Variants in TRDN observed in about 807,000 individuals in gnomAD.
TRDN encodes the protein triadin in skeletal muscle.
TRDN carries 161 observed loss-of-function variants against 149.7 expected under a neutral mutation model. The observed-to-expected ratio is 1.08, with a 90% confidence interval of 0.95 to 1.23. The LOEUF is 1.23. TRDN is among the 50% of genes most tolerant of loss of function. TRDN has a pLI of 0.00. For missense variants in TRDN, 896 were observed against 823.5 expected, an observed-to-expected ratio of 1.09 and a Z score of -1.08; for synonymous variants, 294 against 250.5, an observed-to-expected ratio of 1.17 and a Z score of -1.64.
At chr6:123,506,007 G>A (rs1778906124) in intron 7 of TRDN, among the ~76,000 whole-genome samples, 1 of 152,112 alleles carries the variant, frequency 6.6e-6, no homozygotes, top group South Asian at 2.1e-4. Flanking sequence ...GCTCTTTCCT[G>A]CAGTAAACTC....
intron 3 of TRDN, 107 bp downstream of exon 3, chr6:123,548,347 G>A: frequency 1.1e-6 from 1 of 882,136 alleles, no homozygotes; most frequent in East Asian, 3.3e-5. Flanking sequence ...ATTCATTTTG[G>A]TTTAGCTTGA....
At chr6:123,579,248 G>T (rs1273176967) in intron 1 of TRDN, among the ~76,000 whole-genome samples, 1 of 152,088 alleles carries the variant, frequency 6.6e-6, no homozygotes, top group Non-Finnish European at 1.5e-5. Context: ...TCCAGATTTT[G>T]CCCCATCAGT....
At chr6:123,528,271 A>AT (rs11286718) in intron 5 of TRDN, among the ~76,000 whole-genome samples, 87 of 149,316 alleles carry the variant, frequency 5.8e-4, no homozygotes, top group Admixed American at 1.1e-3. Context: ...ATTCTGTGTG[A>AT]TTTTTTTTTT....
At chr6:123,276,898 G>A (rs1777387031) in intron 26 of TRDN, among the ~76,000 whole-genome samples, 1 of 152,170 alleles carries the variant, frequency 6.6e-6, no homozygotes, top group Non-Finnish European at 1.5e-5. Flanking sequence ...CTCCTGTGGT[G>A]GAGAAGGCAG....
intron 7 of TRDN, among the ~76,000 whole-genome samples, chr6:123,507,174 T>C (rs1457517412): frequency 6.6e-6 from 1 of 152,122 alleles, no homozygotes; most frequent in Non-Finnish European, 1.5e-5. Context: ...AACTTTTTTT[T>C]TTGTTTATAC....
chr6:123,567,615 G>A (rs1575217), intron 2 of TRDN, among the ~76,000 whole-genome samples: 60,507 of 151,500 alleles, frequency 0.4, 13,002 homozygotes, highest in East Asian at 0.85. Flanking sequence ...GATGGCTAGA[G>A]GAGGAGCAAG....
chr6:123,614,772 G>A (rs964172712), intron 1 of TRDN, among the ~76,000 whole-genome samples: 2 of 151,526 alleles, frequency 1.3e-5, no homozygotes, highest in African/African-American at 4.8e-5. Context: ...CAAAAGCACA[G>A]GAAACAAAAG....
Position 123,364,196 on chromosome 6 carries a change from G to A in TRDN, c.1321+1939C>T, listed in dbSNP as rs576358506. Among the ~76,000 whole-genome samples the A allele has an allele frequency of 2.4e-4, 37 of 152,244 alleles. 1 individual carries two copies. In the South Asian group the frequency reaches 7.7e-3, roughly 32 times the overall value. On this transcript the variant is annotated intron_variant, in intron 20 of 40. Coordinates refer to ENST00000334268, the MANE Select transcript of TRDN (RefSeq NM_006073.4). ...AGTTAAACTGTGTTAAATATAATTT[G>A]GCCAAGGTTTTCTTCTAACAATATC...
chr6:123,366,135 C>T lies in TRDN; in HGVS notation c.1321G>A (p.Ala441Thr). Residue 441 changes from alanine to threonine, a missense_variant and splice_region_variant, in exon 20 of 41, where the codon GCT becomes ACT. By Grantham distance (58) the Ala-to-Thr change is moderately conservative. Coordinates refer to ENST00000334268, the MANE Select transcript of TRDN (RefSeq NM_006073.4). The stretch of plus-strand genomic sequence containing the variant: ...ATCTTTATCTTTAAGCTGCATTTAC[C>T]TTTTTTAATTGAAACCGCACCAATC... The part of the protein sequence containing the change: ...EEIGAVSIKK[A>T]VPGKKEEKTT... 1.9e-6 allele frequency: 3 copies of T among 1,609,924 alleles called. No individual in the cohort carries two copies. Among genetic ancestry groups the T allele is most frequent in the East Asian group, 2.2e-5 (1 of 44,702 alleles).
At chr6:123,597,656 T>A (rs1452322650) in intron 1 of TRDN, among the ~76,000 whole-genome samples, 1 of 152,098 alleles carries the variant, frequency 6.6e-6, no homozygotes, top group East Asian at 1.9e-4. Flanking sequence ...ACCACCATGA[T>A]TGGTCAGCAG....
chr6:123,594,437 C>G (rs1183701693), intron 1 of TRDN, among the ~76,000 whole-genome samples: 1 of 151,940 alleles, frequency 6.6e-6, no homozygotes. Context: ...AGAGAAAGCT[C>G]TACTATAGGT....
At chr6:123,218,764 T>G in intron 40 of TRDN, 24 bp from the exon 41 acceptor site, 1 of 1,549,144 alleles carries the variant, frequency 6.5e-7, no homozygotes, top group Non-Finnish European at 8.7e-7. Context: ...CATGACAGTT[T>G]GTTAAAACAT....
chr6:123,466,966 A>G (rs747371875), intron 9 of TRDN, among the ~76,000 whole-genome samples: 1 of 152,010 alleles, frequency 6.6e-6, no homozygotes, highest in Admixed American at 6.6e-5. Context: ...ATATAAAATT[A>G]TTTCCCTGTA....
chr6:123,537,172 G>A (rs911935238), intron 4 of TRDN, among the ~76,000 whole-genome samples: 4 of 151,978 alleles, frequency 2.6e-5, no homozygotes, highest in African/African-American at 4.8e-5. Flanking sequence ...ATTTAAAACC[G>A]AGCTTAAAGG....
At chr6:123,540,419 G>A (rs183780026) in intron 4 of TRDN, among the ~76,000 whole-genome samples, 4 of 151,902 alleles carry the variant, frequency 2.6e-5, no homozygotes, top group Admixed American at 2.0e-4. Flanking sequence ...TGAAGAAAGA[G>A]GATTTACTAA....
chr6:123,389,619 G>T (rs573258762), intron 13 of TRDN: 1 of 152,194 alleles, frequency 6.6e-6, no homozygotes, highest in South Asian at 2.1e-4. Flanking sequence ...AAGACAGGAA[G>T]AAAATGTATT....
At chr6:123,476,800 G>T (rs1387268910) in intron 9 of TRDN, among the ~76,000 whole-genome samples, 1 of 151,162 alleles carries the variant, frequency 6.6e-6, no homozygotes, top group Non-Finnish European at 1.5e-5. Flanking sequence ...AGAAAAACAA[G>T]CAATGGGGAA....
intron 21 of TRDN, among the ~76,000 whole-genome samples, chr6:123,338,922 T>C (rs769214816): frequency 4.9e-4 from 74 of 152,284 alleles, no homozygotes; most frequent in Admixed American, 2.4e-3. Flanking sequence ...GAGTACGCCA[T>C]TTAGATTTAG....
intron 10 of TRDN, among the ~76,000 whole-genome samples, chr6:123,448,596 G>A (rs555203762): frequency 6.6e-6 from 1 of 152,014 alleles, no homozygotes; most frequent in Non-Finnish European, 1.5e-5. Flanking sequence ...CCCAAGGAGA[G>A]TCTGAGCCCA....
Sources: allele counts gnomAD v4.1 joint callset (sites outside exome capture counted in the v4.1 genomes callset), GRCh38; gene constraint gnomAD v4.1.1; transcripts MANE v1.5; gene names NCBI Gene and HGNC (gene_info 2026-07-23, HGNC 2026-07-21).